Variants in CSMD1 observed in about 807,000 individuals in gnomAD.
CSMD1 encodes the protein CUB and Sushi multiple domains 1.
A neutral mutation model predicts 417.5 loss-of-function variants in CSMD1; 213 were observed. That is an observed-to-expected ratio of 0.51 (90% CI 0.46 to 0.57). CSMD1 has a LOEUF of 0.57. CSMD1 is among the 20% of genes least tolerant of loss of function. The pLI is 0.00. For missense variants in CSMD1, 6,923 were observed against 4,529.7 expected (o/e 1.53, Z -15.17); for synonymous variants, 2,862 against 1,736.8 (o/e 1.65, Z -16.11).
intron 5 of CSMD1, among the ~76,000 whole-genome samples, chr8:3,835,449 T>C (rs948052656): frequency 2.6e-5 from 4 of 152,008 alleles, no homozygotes; most frequent in Non-Finnish European, 4.4e-5. Flanking sequence ...ACCATCATTC[T>C]CAGCAAACTA....
chr8:3,089,261 G>C (rs145094580), intron 48 of CSMD1, among the ~76,000 whole-genome samples: 38 of 152,298 alleles, frequency 2.5e-4, no homozygotes, highest in African/African-American at 8.9e-4. Flanking sequence ...GAGAAGACTG[G>C]GACAGGTGGA....
intron 2 of CSMD1, among the ~76,000 whole-genome samples, chr8:4,526,754 T>C (rs1563257266): frequency 6.6e-6 from 1 of 152,226 alleles, no homozygotes; most frequent in Non-Finnish European, 1.5e-5. Flanking sequence ...ACAGGTTACG[T>C]TAGCAGGGAC....
At chr8:4,357,908 A>G (rs1348349320) in intron 3 of CSMD1, among the ~76,000 whole-genome samples, 1 of 152,150 alleles carries the variant, frequency 6.6e-6, no homozygotes, top group Non-Finnish European at 1.5e-5. Context: ...AGTATTTATA[A>G]AAAATAGAGA....
In CSMD1 at chr8:4,842,682, T is replaced by C. The variant is rs188826884; in HGVS notation, c.85+151650A>G. Among the ~76,000 whole-genome samples, 26 of 152,330 alleles carry C rather than the reference T, an allele frequency of 1.7e-4. 1 individual carries two copies. The East Asian group carries it at 2.7e-3, about 16-fold the overall frequency. Reference sequence around the variant, plus strand: ...AGTAGCCTCTAGAACTCAGGAATTTTAATAAAAACAATTATTATGAGCTAG... The same window carrying C: ...AGTAGCCTCTAGAACTCAGGAATTTCAATAAAAACAATTATTATGAGCTAG... On this transcript the variant is annotated intron_variant, in intron 1 of 69. Transcript: ENST00000635120.
At chr8:3,282,920 T>A (rs919037003) in intron 26 of CSMD1, among the ~76,000 whole-genome samples, 1 of 152,180 alleles carries the variant, frequency 6.6e-6, no homozygotes, top group South Asian at 2.1e-4. Context: ...TCCACTTGTT[T>A]TATGATGATG....
intron 3 of CSMD1, among the ~76,000 whole-genome samples, chr8:4,391,122 T>C (rs972045515): frequency 6.6e-6 from 1 of 152,196 alleles, no homozygotes; most frequent in Non-Finnish European, 1.5e-5. Context: ...AATCTGTGTT[T>C]CTCTAGGGAC....
chr8:4,118,319 A>C (rs1040234225), intron 3 of CSMD1, among the ~76,000 whole-genome samples: 3 of 152,316 alleles, frequency 2.0e-5, no homozygotes, highest in African/African-American at 7.2e-5. Flanking sequence ...TTACTGCAGC[A>C]AACTTAAAAA....
intron 1 of CSMD1, among the ~76,000 whole-genome samples, chr8:4,802,624 G>A (rs1414515805): frequency 2.0e-5 from 3 of 152,158 alleles, no homozygotes; most frequent in Non-Finnish European, 4.4e-5. Flanking sequence ...TAGGTATCCT[G>A]TCTGTTTCTA....
intron 1 of CSMD1, among the ~76,000 whole-genome samples, chr8:4,704,352 G>C (rs1030837187): frequency 6.6e-6 from 1 of 152,170 alleles, no homozygotes; most frequent in Non-Finnish European, 1.5e-5. Context: ...TCTGGGACTT[G>C]ATTACAGTAC....
intron 2 of CSMD1, among the ~76,000 whole-genome samples, chr8:4,581,495 GA>G (rs34249227): frequency 6.6e-6 from 1 of 152,110 alleles, no homozygotes; most frequent in African/African-American, 2.4e-5. Context: ...ATCTTATGTA[GA>G]AAAAGGGTTT....
chr8:3,966,708 A>C (rs1812696386), intron 5 of CSMD1, among the ~76,000 whole-genome samples: 1 of 150,402 alleles, frequency 6.6e-6, no homozygotes, highest in African/African-American at 2.5e-5. Flanking sequence ...CATGCCTGGC[A>C]GGCTGCAGGC....
rs980981004 is a variant in CSMD1 at position 4,354,685 on chromosome 8, T to C, written c.415+65268A>G. Among the ~76,000 whole-genome samples, 26 of 152,138 alleles carry C rather than the reference T, an allele frequency of 1.7e-4. 1 individual carries two copies. Among genetic ancestry groups the C allele is most frequent in the Admixed American group, 1.7e-3 (26 of 15,270 alleles). ...GAATTTAAAATTTTTGTAACATTTG[T>C]ATATTGTCACCGTGTATATTTTTGA... On this transcript the variant is annotated intron_variant, in intron 3 of 69. Transcript: ENST00000635120.
At chr8:4,592,151 A>G (rs918768588) in intron 2 of CSMD1, among the ~76,000 whole-genome samples, 1 of 151,624 alleles carries the variant, frequency 6.6e-6, no homozygotes, top group African/African-American at 2.4e-5. Context: ...AACATTTGCC[A>G]ATTTCTGTGG....
intron 6 of CSMD1, among the ~76,000 whole-genome samples, chr8:3,730,265 A>T (rs1905026): frequency 6.6e-6 from 1 of 151,920 alleles, no homozygotes; most frequent in African/African-American, 2.4e-5. Flanking sequence ...CCTTGAGCAC[A>T]TGGAGCCCCT....
chr8:4,037,112 T>A (rs2740916), intron 3 of CSMD1, among the ~76,000 whole-genome samples: 1 of 152,242 alleles, frequency 6.6e-6, no homozygotes, highest in Non-Finnish European at 1.5e-5. Context: ...TAAATTATTT[T>A]ACTTGTTTTT....
intron 12 of CSMD1, among the ~76,000 whole-genome samples, chr8:3,455,803 C>G (rs1019697277): frequency 1.3e-5 from 2 of 152,214 alleles, no homozygotes; most frequent in Non-Finnish European, 2.9e-5. Context: ...AGATCTCAAG[C>G]TGCATGCTGG....
At chr8:3,343,573 T>C in intron 22 of CSMD1, 123 bp from the exon 23 acceptor site, 2 of 797,076 alleles carry the variant, frequency 2.5e-6, no homozygotes, top group Admixed American at 3.2e-5. Context: ...AGGCATATAG[T>C]TTACAGAAAG....
intron 3 of CSMD1, among the ~76,000 whole-genome samples, chr8:4,413,672 C>A (rs916174533): frequency 6.6e-6 from 1 of 152,100 alleles, no homozygotes; most frequent in African/African-American, 2.4e-5. Context: ...ACCGCGGATC[C>A]CAAGAACTTA....
intron 5 of CSMD1, among the ~76,000 whole-genome samples, chr8:3,937,538 A>G (rs1231663110): frequency 1.3e-5 from 2 of 149,674 alleles, no homozygotes; most frequent in Admixed American, 6.6e-5. Context: ...TTTTAAAAAC[A>G]TAATACTATT....
Sources: allele counts gnomAD v4.1 joint callset (sites outside exome capture counted in the v4.1 genomes callset), GRCh38; gene constraint gnomAD v4.1.1; transcripts MANE v1.5; gene names NCBI Gene and HGNC (gene_info 2026-07-23, HGNC 2026-07-21).